DLC1: variants seen among roughly 807,000 people sequenced by gnomAD.
DLC1 encodes the protein DLC1 Rho GTPase activating protein.
Under a neutral mutation model 140.3 loss-of-function variants are expected in DLC1, and 54 were observed. That is an observed-to-expected ratio of 0.38 (90% CI 0.31 to 0.48). The LOEUF (loss-of-function observed/expected upper bound fraction) is 0.48. Ranked by LOEUF, DLC1 falls within the 20% of genes least tolerant of loss-of-function variation. The pLI, the probability that DLC1 is intolerant of heterozygous loss-of-function variation, is 0.96. For synonymous variants in DLC1, 986 were observed against 728.1 expected, an observed-to-expected ratio of 1.35 and a Z score of -5.70; for missense variants, 2,536 against 1,907.0, an observed-to-expected ratio of 1.33 and a Z score of -6.14.
At chr8:13,240,573 A>T (rs139145614) in intron 5 of DLC1, among the ~76,000 whole-genome samples, 228 of 152,114 alleles carry the variant, frequency 1.5e-3, no homozygotes, top group African/African-American at 5.2e-3. Context: ...CTACAGGCAC[A>T]TGCCACCACG....
intron 2 of DLC1, among the ~76,000 whole-genome samples, chr8:13,483,798 CG>C (rs1800846206): frequency 6.6e-6 from 1 of 151,990 alleles, no homozygotes; most frequent in African/African-American, 2.4e-5. Flanking sequence ...AAGATAATCT[CG>C]GGCGGGGTGT....
At chr8:13,539,181 A>C (rs56178803) in intron 1 of DLC1, among the ~76,000 whole-genome samples, 11,053 of 125,204 alleles carry the variant, frequency 0.088, 647 homozygotes, top group Admixed American at 0.2. Flanking sequence ...AATTGTATGT[A>C]TGTGTGTATG....
intron 1 of DLC1, chr8:13,604,399 C>T (rs1459009278): frequency 6.6e-6 from 1 of 152,142 alleles, no homozygotes. Flanking sequence ...TTCTTTCCTT[C>T]TATAACTTCA....
intron 5 of DLC1, among the ~76,000 whole-genome samples, chr8:13,201,459 A>G (rs1369889018): frequency 6.6e-6 from 1 of 152,228 alleles, no homozygotes; most frequent in East Asian, 1.9e-4. Flanking sequence ...AATTGAGATT[A>G]TTGAGAAAAT....
At chr8:13,291,918 A>G (rs1831771209) in intron 5 of DLC1, among the ~76,000 whole-genome samples, 1 of 152,150 alleles carries the variant, frequency 6.6e-6, no homozygotes, top group Admixed American at 6.6e-5. Context: ...TTCTTTCTAC[A>G]CATTAGTGCT....
At chr8:13,428,504 G>T (rs1289962632) in intron 2 of DLC1, among the ~76,000 whole-genome samples, 4 of 152,138 alleles carry the variant, frequency 2.6e-5, no homozygotes, top group East Asian at 3.9e-4. Context: ...AGAATATTTA[G>T]TTTGATTTAA....
At chr8:13,425,354 A>G (rs981934083) in intron 2 of DLC1, among the ~76,000 whole-genome samples, 1 of 152,210 alleles carries the variant, frequency 6.6e-6, no homozygotes. Context: ...GGGCAAGAAA[A>G]TGGCACATCT....
At chr8:13,275,803 C>G (rs970443096) in intron 5 of DLC1, among the ~76,000 whole-genome samples, 3 of 152,328 alleles carry the variant, frequency 2.0e-5, no homozygotes, top group South Asian at 2.1e-4. Context: ...GCGCCCATCA[C>G]TCCACTGACA....
chr8:13,551,964 T>C (rs1803871469), intron 1 of DLC1, among the ~76,000 whole-genome samples: 1 of 146,452 alleles, frequency 6.8e-6, no homozygotes, highest in Non-Finnish European at 1.5e-5. Context: ...GACAGGTGTA[T>C]ATGTATATGT....
intron 2 of DLC1, among the ~76,000 whole-genome samples, chr8:13,460,618 A>T (rs538866455): frequency 6.6e-6 from 1 of 152,346 alleles, no homozygotes; most frequent in East Asian, 1.9e-4. Flanking sequence ...AAAGGACAAG[A>T]GAAAAGACAA....
intron 4 of DLC1, among the ~76,000 whole-genome samples, chr8:13,372,627 A>G (rs960047117): frequency 3.9e-5 from 6 of 152,208 alleles, no homozygotes; most frequent in Non-Finnish European, 8.8e-5. Context: ...ACTGTCTGTC[A>G]TATTCTAACT....
intron 5 of DLC1, among the ~76,000 whole-genome samples, chr8:13,121,248 C>T (rs1017324568): frequency 6.6e-6 from 1 of 152,160 alleles, no homozygotes; most frequent in African/African-American, 2.4e-5. Flanking sequence ...TGTGTGCAGG[C>T]AGGTGGTGCT....
chr8:13,159,703 A>C (rs961696144), intron 5 of DLC1, among the ~76,000 whole-genome samples: 2 of 152,086 alleles, frequency 1.3e-5, no homozygotes, highest in African/African-American at 4.8e-5. Context: ...GACGGCATCC[A>C]GGGCAAAGTC....
chr8:13,401,856 A>G (rs1837314935), intron 2 of DLC1, among the ~76,000 whole-genome samples: 1 of 152,212 alleles, frequency 6.6e-6, no homozygotes, highest in Admixed American at 6.5e-5. Flanking sequence ...AGTGCAATGA[A>G]AAAAGAAGTA....
At chr8:13,424,891 G>C (rs894080317) in intron 2 of DLC1, among the ~76,000 whole-genome samples, 61 of 152,236 alleles carry the variant, frequency 4.0e-4, no homozygotes, top group African/African-American at 1.4e-3. Flanking sequence ...AAGCTACTTT[G>C]AGTATTTATC....
At chr8:13,489,980 A>G (rs1447463141) in intron 2 of DLC1, among the ~76,000 whole-genome samples, 4 of 152,164 alleles carry the variant, frequency 2.6e-5, no homozygotes, top group African/African-American at 9.7e-5. Context: ...TAATGTTCCT[A>G]ACAATCTTGT....
At chr8:13,315,114 C>G (rs1832817417) in intron 4 of DLC1, among the ~76,000 whole-genome samples, 1 of 152,148 alleles carries the variant, frequency 6.6e-6, no homozygotes, top group South Asian at 2.1e-4. Flanking sequence ...ACACTGAAGA[C>G]TAACAGAACC....
intron 2 of DLC1, among the ~76,000 whole-genome samples, chr8:13,482,213 C>T (rs1396048648): frequency 1.3e-5 from 2 of 152,052 alleles, no homozygotes; most frequent in Middle Eastern, 3.2e-3. Flanking sequence ...CACAGGTGGA[C>T]ATTATAAATT....
chr8:13,342,806 C>T (rs778751166), intron 4 of DLC1: 2 of 151,132 alleles, frequency 1.3e-5, no homozygotes, highest in African/African-American at 2.4e-5. Context: ...CTCTCTCTCG[C>T]TTTGCCTCCA....
Sources: gnomAD v4.1 joint callset for allele counts (sites outside exome capture counted in the v4.1 genomes callset) on GRCh38, gnomAD v4.1.1 for gene constraint, MANE v1.5 for transcripts, NCBI Gene and HGNC (gene_info 2026-07-23, HGNC 2026-07-21) for gene names.